Variants in SAMD9 observed in about 807,000 individuals in gnomAD.
SAMD9 encodes sterile alpha motif domain-containing protein 9.
SAMD9 carries 3 observed loss-of-function variants against 1.5 expected under a neutral mutation model. That is an observed-to-expected ratio of 2.05 (90% CI 0.93 to 5.29). SAMD9 has a LOEUF of 5.29. Among genes scored for constraint, SAMD9 ranks in the 30% most tolerant of loss-of-function variants. The pLI is 0.02. For missense variants in SAMD9, 1,597 were observed against 1,820.8 expected (o/e 0.88, Z 2.24); for synonymous variants, 635 against 631.9 (o/e 1.00, Z -0.07).
intron 2 of SAMD9, among the ~76,000 whole-genome samples, chr7:93,111,759 A>G (rs1157101861): frequency 6.6e-6 from 1 of 152,178 alleles, no homozygotes; most frequent in Non-Finnish European, 1.5e-5. Flanking sequence ...CTAAATCAGG[A>G]AGAAGTTGAA....
chr7:93,102,284 C>CA lies in SAMD9; in HGVS notation c.3813dup (p.Asp1272Ter), dbSNP rs748414027. On this transcript the variant is annotated frameshift_variant, in exon 3 of 3. Coordinates refer to ENST00000379958, the MANE Select transcript of SAMD9 (RefSeq NM_017654.4). LOFTEE classifies it low-confidence loss of function (END_TRUNC). Reference sequence around the variant, plus strand: ...GGTTTTAGCAGGACAAAGTATTCATCAAAAAAATCAAAGGACTTTTTCAAA... The same window carrying CA: ...GGTTTTAGCAGGACAAAGTATTCATCAAAAAAAATCAAAGGACTTTTTCAAA... 9.3e-6 allele frequency: 15 copies of CA among 1,611,738 alleles called. No individual in the cohort carries two copies. Among genetic ancestry groups the CA allele is most frequent in the African/African-American group, 2.7e-5 (2 of 74,806 alleles).
In SAMD9 at chr7:93,103,325, T is replaced by G. The variant is rs374919171; in HGVS notation, c.2773A>C (p.Asn925His). 19 of 1,613,478 alleles carry G rather than the reference T, an allele frequency of 1.2e-5. No homozygotes were observed. Among genetic ancestry groups the G allele is most frequent in the Non-Finnish European group, 1.6e-5 (19 of 1,179,688 alleles). ...ATGGTGGTATCAGGCACATATGAAT[T>G]AAGAAGAGCCAGAAAAGAAAAGAGC... ...AKLFSFLALL[N>H]SYVPDTTISL... The change falls in exon 3 of 3, where the codon AAT becomes CAT. Residue 925 changes from asparagine to histidine, a missense_variant. This residue lies in a region of SAMD9 where 682 missense variants were observed against 810.0 expected (regional missense o/e 0.84). Coordinates refer to ENST00000379958, the MANE Select transcript of SAMD9 (RefSeq NM_017654.4).
chr7:93,104,237 G>A lies in SAMD9; in HGVS notation c.1861C>T (p.Leu621=). ...TTTGAAGATTGAGTCACAGATTTTA[G>A]TTTAAGAATAGTGCCATTGATCTCT... is the stretch of plus-strand genomic sequence containing the variant. ...LEEINGTILK[L]KSVTQSSKRL... The change falls in exon 3 of 3, where the codon CTA becomes TTA. Residue 621 remains leucine, a synonymous_variant. Transcript: ENST00000379958. The A allele has an allele frequency of 6.2e-7, 1 of 1,613,852 alleles. No individual in the cohort carries two copies. The highest frequency in any genetic ancestry group is 8.5e-7 in the Non-Finnish European group (1 of 1,179,840).
chr7:93,103,764 G>A lies in SAMD9; in HGVS notation c.2334C>T (p.Thr778=), dbSNP rs748978406. Residue 778 remains threonine, a synonymous_variant, in exon 3 of 3, where the codon ACC becomes ACT. Coordinates refer to ENST00000379958, the MANE Select transcript of SAMD9 (RefSeq NM_017654.4). ...TCATTGCCCCATAGGTGATTAAACTGGTTACCTGTTCTCCAATTTCAGAAA... is the reference window on the plus strand; with the variant it reads ...TCATTGCCCCATAGGTGATTAAACTAGTTACCTGTTCTCCAATTTCAGAAA... The part of the protein sequence containing the change: ...VDFSEIGEQV[T]SLITYGAMNR... 13 of 1,613,802 alleles carry A rather than the reference G, an allele frequency of 8.1e-6. No homozygotes were observed. The highest frequency in any genetic ancestry group is 7.6e-6 in the Non-Finnish European group (9 of 1,179,874).
rs768600667 is a variant in SAMD9, at chr7:93,106,005, T to C, written c.93A>G (p.Lys31=). The C allele has an allele frequency of 7.7e-5, 123 of 1,592,472 alleles. No individual in the cohort carries two copies. Among genetic ancestry groups the C allele is most frequent in the Non-Finnish European group, 1.0e-4 (121 of 1,171,494 alleles). Reference sequence around the variant, plus strand: ...CTTGTTCAGTCAAAATTTCCCTGTGTTTTTGGTCAATCTTATGACTTTCTA... The same window carrying C: ...CTTGTTCAGTCAAAATTTCCCTGTGCTTTTGGTCAATCTTATGACTTTCTA... ...QWLESHKIDQ[K]HREILTEQDV... Residue 31 remains lysine, a synonymous_variant, in exon 3 of 3, where the codon AAA becomes AAG. Coordinates refer to ENST00000379958, the MANE Select transcript of SAMD9 (RefSeq NM_017654.4).
rs562001146 is a variant in SAMD9 at position 93,102,996 on chromosome 7, G to A, written c.3102C>T (p.Leu1034=). ...KSKFLQDMHT[L]LLTRHRDEHE... ...GTTCATCGCGGTGTCTTGTGAGTAG[G>A]AGTGTGTGCATATCTTGCAAAAATT... The change falls in exon 3 of 3, where the codon CTC becomes CTT. Residue 1034 remains leucine (L), a synonymous_variant. Coordinates refer to ENST00000379958, the MANE Select transcript of SAMD9 (RefSeq NM_017654.4). The A allele has an allele frequency of 8.1e-6, 13 of 1,613,734 alleles. No individual in the cohort carries two copies. Among genetic ancestry groups the A allele is most frequent in the Non-Finnish European group, 1.1e-5 (13 of 1,179,800 alleles).
At position 93,105,578 on chromosome 7, in the gene SAMD9, G is replaced by C. The variant is rs373775990; in HGVS notation, c.520C>G (p.Arg174Gly). The C allele has an allele frequency of 3.7e-6, 6 of 1,614,076 alleles. No individual in the cohort carries two copies. In the African/African-American group the frequency reaches 8.0e-5, roughly 22 times the overall value. Residue 174 changes from arginine (R) to glycine (G), a missense_variant, in exon 3 of 3, where the codon CGT (arginine) becomes GGT (glycine). Arg to Gly is a moderately radical substitution (Grantham distance 125). Coordinates refer to ENST00000379958, the MANE Select transcript of SAMD9 (RefSeq NM_017654.4). ...YPFDEFSNPY[R>G]YKLDFSLQPE... is the part of the protein sequence containing the mutation. ...TGTAGACTAAAATCCAACTTGTAAC[G>C]ATATGGATTACTGAATTCATCAAAT...
Position 93,102,242 on chromosome 7 carries a change from G to A in SAMD9, c.3856C>T (p.Gln1286Ter), listed in dbSNP as rs1429658438. 1.9e-6 allele frequency: 3 copies of A among 1,613,500 alleles called. No individual in the cohort carries two copies. Among genetic ancestry groups the A allele is most frequent in the Admixed American group, 1.7e-5 (1 of 59,970 alleles). The change falls in exon 3 of 3, where the codon CAA becomes TAA. Residue 1286 changes from glutamine (Q) to a stop codon, truncating the protein, a stop_gained. Transcript: ENST00000379958. LOFTEE classifies it low-confidence loss of function (END_TRUNC). ...CTCCGAGTTTTGGCCTCTTCATTTT[G>A]CTTAATATTGTTCCTGGGTTTTAGC... Reference protein sequence around the residue: ...VLLKPRNNIKQNEEAKTRRKV... With the variant: ...VLLKPRNNIK
In SAMD9 at chr7:93,106,089, C is replaced by G; in HGVS notation, c.9G>C (p.Lys3Asn). The change falls in exon 3 of 3, where the codon AAG becomes AAC. Residue 3 changes from lysine (K) to asparagine (N), a missense_variant. This residue lies in a region of SAMD9 where 498 missense variants were observed against 457.4 expected (regional missense o/e 1.09). Transcript: ENST00000379958. ...CTGTATTTTCTGGAAGGTTAAGTTG[C>G]TTTGCCATTCTGATACCTATATGTA... MA[K>N]QLNLPENTDD... 1 of 1,588,784 alleles carries G rather than the reference C, an allele frequency of 6.3e-7. No homozygotes were observed.
Position 93,106,046 on chromosome 7 carries a change from C to T in SAMD9, c.52G>A (p.Asp18Asn). ...TGACTTTCTAACCACTGATTTACAT[C>T]CTCTTTTGTCCAATCATCTGTATTT... ...PENTDDWTKEDVNQWLESHKI... is the reference protein window; with the variant it reads ...PENTDDWTKENVNQWLESHKI... Residue 18 changes from aspartate (D) to asparagine (N), a missense_variant, in exon 3 of 3, where the codon GAT (aspartate) becomes AAT (asparagine). By Grantham distance (23) the Asp-to-Asn change is conservative (BLOSUM62 1). This residue lies in a region of SAMD9 where 498 missense variants were observed against 457.4 expected (regional missense o/e 1.09). Transcript: ENST00000379958. 2 of 1,592,632 alleles carry T rather than the reference C, an allele frequency of 1.3e-6. No individual in the cohort carries two copies. The highest frequency in any genetic ancestry group is 1.2e-5 in the South Asian group (1 of 86,238).
At chr7:93,111,982 C>G (rs1791753088) in intron 2 of SAMD9, among the ~76,000 whole-genome samples, 1 of 152,126 alleles carries the variant, frequency 6.6e-6, no homozygotes, top group African/African-American at 2.4e-5. Context: ...ATCCTGATAC[C>G]AAAGCCTGGC....
Position 93,099,535 on chromosome 7 carries a change from T to G in SAMD9, c.*1793A>C, listed in dbSNP as rs980897208. 39 of 152,322 alleles carry G rather than the reference T, an allele frequency of 2.6e-4. No individual in the cohort carries two copies. Among genetic ancestry groups the G allele is most frequent in the African/African-American group, 9.4e-4 (39 of 41,576 alleles). The allele number at this position is 152,322 out of a possible 1,614,324, so 9.4% of individuals were successfully genotyped here. A position where few individuals can be genotyped will look rare whatever the true frequency, so the allele number is the denominator to read the frequency against. On this transcript the variant is annotated 3_prime_UTR_variant, in exon 3 of 3. Coordinates refer to ENST00000379958, the MANE Select transcript of SAMD9 (RefSeq NM_017654.4). Reference sequence around the variant, plus strand: ...GCCATAAATAATATACAATTTTTATTTGTCAATTAGAAAGTAACAATAAAG... The same window carrying G: ...GCCATAAATAATATACAATTTTTATGTGTCAATTAGAAAGTAACAATAAAG...
rs1334986461 is a variant in SAMD9, at chr7:93,103,240, G to T, written c.2858C>A (p.Thr953Lys). 6.2e-7 allele frequency: 1 copy of T among 1,613,572 alleles called. No homozygotes were observed. The highest frequency in any genetic ancestry group is 8.5e-7 in the Non-Finnish European group (1 of 1,179,692). ...GCCCATCTTGTCTTCAAATTTTTCT[G>T]TCCCCCAGAAAGCCTTCTTGTTTCC... ...GIGNKKAFWG[T>K]EKFEDKMGTY... Residue 953 changes from threonine (T) to lysine (K), a missense_variant, in exon 3 of 3, where the codon ACA becomes AAA. Transcript: ENST00000379958.
chr7:93,113,518 C>T (rs1046950909), intron 2 of SAMD9, among the ~76,000 whole-genome samples: 10 of 152,094 alleles, frequency 6.6e-5, no homozygotes, highest in Admixed American at 2.6e-4. Context: ...GAACAGGCAA[C>T]CTACAGAATG....
rs779864535 is a variant in SAMD9, at chr7:93,105,462, C to T, written c.636G>A (p.Lys212=). ...GGAAAACCTCATTGCTAAATTTCAT[C>T]TTGACATCCTCTTCTGTGGCTGTTG... ...NTATATEEDV[K]MKFSNEVFRF... The change falls in exon 3 of 3, where the codon AAG becomes AAA. Residue 212 remains lysine (K), a synonymous_variant. Coordinates refer to ENST00000379958, the MANE Select transcript of SAMD9 (RefSeq NM_017654.4). 8.7e-6 allele frequency: 14 copies of T among 1,614,026 alleles called. No individual in the cohort carries two copies. In the South Asian group the frequency reaches 1.5e-4, roughly 18 times the overall value.
At chr7:93,115,139 A>C (rs1346112762) in intron 1 of SAMD9, among the ~76,000 whole-genome samples, 1 of 152,184 alleles carries the variant, frequency 6.6e-6, no homozygotes, top group Non-Finnish European at 1.5e-5. Context: ...AGTGTTCCAA[A>C]ATGTTTACCG....
intron 1 of SAMD9, among the ~76,000 whole-genome samples, chr7:93,115,789 T>C (rs2116442685): frequency 6.6e-6 from 1 of 152,334 alleles, no homozygotes; most frequent in Admixed American, 6.5e-5. Flanking sequence ...GTGAATTCAA[T>C]GGTATGTGAG....
rs758323957 is a variant in SAMD9 at position 93,105,461 on chromosome 7, T to C, written c.637A>G (p.Met213Val). The C allele has an allele frequency of 6.2e-7, 1 of 1,614,092 alleles. No homozygotes were observed. The highest frequency in any genetic ancestry group is 1.1e-5 in the South Asian group (1 of 91,078). ...CGGAAAACCTCATTGCTAAATTTCA[T>C]CTTGACATCCTCTTCTGTGGCTGTT... The part of the protein sequence containing the change: ...TATATEEDVK[M>V]KFSNEVFRFA... Residue 213 changes from methionine (M) to valine (V), a missense_variant, in exon 3 of 3, where the codon ATG becomes GTG. Around this residue, in one of 6 missense-constraint regions of SAMD9, gnomAD observed 498 missense variants for 457.4 expected, o/e 1.09. Coordinates refer to ENST00000379958, the MANE Select transcript of SAMD9 (RefSeq NM_017654.4).
At chr7:93,115,552 G>C (rs1791819258) in intron 1 of SAMD9, among the ~76,000 whole-genome samples, 1 of 152,056 alleles carries the variant, frequency 6.6e-6, no homozygotes, top group Admixed American at 6.5e-5. Flanking sequence ...TCTGGGAAGG[G>C]GTGATGGAAA....
Sources: allele counts gnomAD v4.1 joint callset (sites outside exome capture counted in the v4.1 genomes callset), GRCh38; gene constraint gnomAD v4.1.1; regional missense constraint gnomAD v4.1.1; transcripts MANE v1.5; gene names NCBI Gene and HGNC (gene_info 2026-07-23, HGNC 2026-07-21).